The following NOL10 variants were observed in gnomAD, a reference collection of about 807,000 sequenced individuals.
NOL10 encodes nucleolar protein 10.
NOL10 carries 58 observed loss-of-function variants against 103.5 expected under a neutral mutation model. The observed-to-expected ratio is 0.56, with a 90% CI of 0.45 to 0.70. The LOEUF (loss-of-function observed/expected upper bound fraction) is 0.70. Among genes scored for constraint, NOL10 ranks in the 30% least tolerant of loss-of-function variants. NOL10 has a pLI of 0.00. For synonymous variants in NOL10, 287 were observed against 282.5 expected, an observed-to-expected ratio of 1.02 and a Z score of -0.16; for missense variants, 763 against 807.3, an observed-to-expected ratio of 0.95 and a Z score of 0.67.
chr2:10,637,709 G>A (rs1678358277), intron 13 of NOL10, among the ~76,000 whole-genome samples: 1 of 152,188 alleles, frequency 6.6e-6, no homozygotes, highest in African/African-American at 2.4e-5. Flanking sequence ...GAGGCCTTAT[G>A]CTTCTTAACA....
intron 12 of NOL10, among the ~76,000 whole-genome samples, chr2:10,653,435 T>C (rs145991572): frequency 1.6e-3 from 240 of 152,268 alleles, no homozygotes; most frequent in African/African-American, 5.6e-3. Flanking sequence ...CAGCTCAGAA[T>C]ATCAGTTACT....
At chr2:10,605,921 A>G (rs1245552993) in intron 14 of NOL10, among the ~76,000 whole-genome samples, 1 of 152,220 alleles carries the variant, frequency 6.6e-6, no homozygotes, top group Non-Finnish European at 1.5e-5. Flanking sequence ...TCTAATGGTA[A>G]CATGATTCTG....
intron 12 of NOL10, among the ~76,000 whole-genome samples, chr2:10,646,799 C>T (rs1284971635): frequency 2.0e-5 from 3 of 152,188 alleles, no homozygotes; most frequent in African/African-American, 7.2e-5. Context: ...GGGACTCTGA[C>T]ACTTCATCAA....
intron 17 of NOL10, among the ~76,000 whole-genome samples, chr2:10,595,719 C>G (rs1247146656): frequency 6.6e-6 from 1 of 152,054 alleles, no homozygotes; most frequent in Non-Finnish European, 1.5e-5. Flanking sequence ...ATTCTCCTGC[C>G]TCAGCCTCCC....
intron 8 of NOL10, among the ~76,000 whole-genome samples, chr2:10,666,392 G>A (rs1302901075): frequency 6.6e-6 from 1 of 151,986 alleles, no homozygotes; most frequent in Non-Finnish European, 1.5e-5. Context: ...TGTCACCCAG[G>A]CGGGAGTGCA....
intron 13 of NOL10, among the ~76,000 whole-genome samples, chr2:10,627,756 G>C (rs755501745): frequency 6.6e-6 from 1 of 151,558 alleles, no homozygotes; most frequent in African/African-American, 2.4e-5. Flanking sequence ...GAGGGAGGGA[G>C]GGAGAGAGGG....
At position 10,686,876 on chromosome 2, in the gene NOL10, T is replaced by G. The variant is rs150216782; in HGVS notation, c.67-2264A>C. Reference sequence around the variant, plus strand: ...GTGGGGGGAAAGCTGGTGTTCTACTTTGGACAAGTTAAGTTTGAGATGCCT... The same window carrying G: ...GTGGGGGGAAAGCTGGTGTTCTACTGTGGACAAGTTAAGTTTGAGATGCCT... On this transcript the variant is annotated intron_variant, in intron 1 of 20. Transcript: ENST00000381685. Among the ~76,000 whole-genome samples, 7 of 137,322 alleles carry G rather than the reference T, an allele frequency of 5.1e-5. No homozygotes were observed. In the East Asian group the frequency reaches 1.2e-3, roughly 24 times the overall value. 90.1% of individuals were successfully genotyped at this position (137,322 alleles called of 152,430 possible).
At chr2:10,651,481 T>G (rs978288656) in intron 12 of NOL10, among the ~76,000 whole-genome samples, 6 of 149,804 alleles carry the variant, frequency 4.0e-5, no homozygotes, top group African/African-American at 1.5e-4. Context: ...ATATTTTCAT[T>G]TCAACATGTA....
At chr2:10,686,156 G>T (rs897011489) in intron 1 of NOL10, among the ~76,000 whole-genome samples, 7 of 152,158 alleles carry the variant, frequency 4.6e-5, no homozygotes, top group African/African-American at 7.2e-5. Flanking sequence ...AAAACAATTA[G>T]AATGTCAGAT....
In NOL10 at chr2:10,589,023, G is replaced by A. The variant is rs199593607; in HGVS notation, c.1844+20C>T. On this transcript the variant is annotated intron_variant, in intron 19 of 20. Coordinates refer to ENST00000381685, the MANE Select transcript of NOL10 (RefSeq NM_024894.4). ...GGGCTTGGTTACATGTCAACTGTGCGCTCAGGCAGTGCTACTCACTTCATC... is the reference window on the plus strand; with the variant it reads ...GGGCTTGGTTACATGTCAACTGTGCACTCAGGCAGTGCTACTCACTTCATC... The A allele has an allele frequency of 6.8e-6, 11 of 1,611,872 alleles. No homozygotes were observed. The highest frequency in any genetic ancestry group is 2.2e-5 in the South Asian group (2 of 90,920).
intron 17 of NOL10, among the ~76,000 whole-genome samples, chr2:10,595,316 GT>G (rs200480779): frequency 1.4e-5 from 2 of 144,650 alleles, no homozygotes; most frequent in African/African-American, 5.0e-5. Context: ...AAATGTTTAG[GT>G]TTTTTTTGTT....
chr2:10,689,516 G>A (rs561247856), intron 1 of NOL10, among the ~76,000 whole-genome samples: 8 of 152,182 alleles, frequency 5.3e-5, no homozygotes, highest in Non-Finnish European at 1.2e-4. Flanking sequence ...AGGCCCAAAT[G>A]GTTGCGTTCT....
rs928127121 is a variant in NOL10 at position 10,663,153 on chromosome 2, A to C, written c.592-109T>G. 11 of 768,388 alleles carry C rather than the reference A, an allele frequency of 1.4e-5. No individual in the cohort carries two copies. The African/African-American group carries it at 1.7e-4, about 12-fold the overall frequency. The allele number at this position is 768,388 out of a possible 1,614,324, so 47.6% of individuals were successfully genotyped here. ...AGGCCGAGGCGGGCTGATCACCTGA[A>C]GCCAGGAGTTTGAGACTAGTCTGAC... On this transcript the variant is annotated intron_variant, in intron 8 of 20. Transcript: ENST00000381685.
intron 4 of NOL10, among the ~76,000 whole-genome samples, chr2:10,674,264 G>A (rs957125998): frequency 1.3e-5 from 2 of 151,666 alleles, no homozygotes; most frequent in African/African-American, 4.8e-5. Context: ...GAAACAAGTT[G>A]GGAGACTATG....
intron 13 of NOL10, among the ~76,000 whole-genome samples, chr2:10,633,301 T>TG (rs1558306050): frequency 1.3e-5 from 2 of 152,072 alleles, no homozygotes; most frequent in Non-Finnish European, 2.9e-5. Context: ...TGGGCTCAAG[T>TG]GATTCTCCAC....
intron 19 of NOL10, among the ~76,000 whole-genome samples, chr2:10,587,796 C>T (rs1675193266): frequency 6.6e-6 from 1 of 152,060 alleles, no homozygotes; most frequent in South Asian, 2.1e-4. Flanking sequence ...ATATCTCAAC[C>T]CCAGAAACAA....
At chr2:10,673,417 T>C in intron 5 of NOL10, 103 bp downstream of exon 5, 1 of 665,150 alleles carries the variant, frequency 1.5e-6, no homozygotes, top group Non-Finnish European at 2.3e-6. Context: ...ACAGCCATTT[T>C]AGTTTAACAA....
chr2:10,577,872 A>C, intron 19 of NOL10, 134 bp from the exon 20 acceptor site: 2 of 625,458 alleles, frequency 3.2e-6, no homozygotes, highest in South Asian at 2.0e-5. Flanking sequence ...TTCATTTAAC[A>C]CAATAAATGG....
intron 12 of NOL10, among the ~76,000 whole-genome samples, chr2:10,648,568 G>A (rs1679243200): frequency 6.6e-6 from 1 of 152,182 alleles, no homozygotes; most frequent in African/African-American, 2.4e-5. Context: ...TGGTTTGCAA[G>A]AAACTGTACT....
Sources: gnomAD v4.1 joint callset for allele counts (sites outside exome capture counted in the v4.1 genomes callset) on GRCh38, gnomAD v4.1.1 for gene constraint, MANE v1.5 for transcripts, NCBI Gene and HGNC (gene_info 2026-07-23, HGNC 2026-07-21) for gene names.